C16orf74: variants seen among roughly 807,000 people sequenced by gnomAD.
C16orf74 encodes the protein calcimembrin, also known as uncharacterized protein C16orf74.
A neutral mutation model predicts 6.5 loss-of-function variants in C16orf74; 10 were observed. The observed-to-expected ratio is 1.54, with a 90% confidence interval of 0.95 to 2.61. The LOEUF is 2.61. Among genes scored for constraint, C16orf74 ranks in the 30% most tolerant of loss-of-function variants. The pLI, the probability that C16orf74 is intolerant of heterozygous loss-of-function variation, is 0.00. For synonymous variants in C16orf74, 60 were observed against 42.5 expected (o/e 1.41, Z -1.60); for missense variants, 141 against 105.9 (o/e 1.33, Z -1.45).
chr16:85,731,592 C>G (rs1038166311), intron 2 of C16orf74, among the ~76,000 whole-genome samples: 2 of 152,098 alleles, frequency 1.3e-5, no homozygotes, highest in Non-Finnish European at 2.9e-5. Context: ...TGAGAGTAAT[C>G]GTATCCAGGG....
At chr16:85,741,239 C>T (rs190196560) in intron 1 of C16orf74, among the ~76,000 whole-genome samples, 1 of 152,264 alleles carries the variant, frequency 6.6e-6, no homozygotes, top group East Asian at 1.9e-4. Flanking sequence ...AGATGCGTTC[C>T]TGGGGCCAGG....
At chr16:85,744,564 C>T (rs1373824395) in intron 1 of C16orf74, among the ~76,000 whole-genome samples, 1 of 152,168 alleles carries the variant, frequency 6.6e-6, no homozygotes, top group Non-Finnish European at 1.5e-5. Flanking sequence ...GATGCGGTGG[C>T]TCATGCCTGA....
chr16:85,718,485 G>A (rs1435692876), intron 2 of C16orf74, among the ~76,000 whole-genome samples: 6 of 152,146 alleles, frequency 3.9e-5, no homozygotes, highest in Non-Finnish European at 7.3e-5. Context: ...CCAGCCTGTC[G>A]GACCCACGAT....
intron 2 of C16orf74, among the ~76,000 whole-genome samples, chr16:85,728,732 T>A (rs897678666): frequency 2.0e-5 from 3 of 152,208 alleles, no homozygotes; most frequent in Admixed American, 1.3e-4. Context: ...TCTCGAGACC[T>A]GACCCAGGAG....
intron 1 of C16orf74, among the ~76,000 whole-genome samples, chr16:85,750,517 T>A (rs4843679): frequency 6.6e-6 from 1 of 152,008 alleles, no homozygotes; most frequent in Non-Finnish European, 1.5e-5. Flanking sequence ...CTCGATAGAG[T>A]GGAAATGGTT....
Position 85,707,604 on chromosome 16 carries a change from A to T in C16orf74, c.*404T>A. 1 of 189,516 alleles carries T rather than the reference A, an allele frequency of 5.3e-6. No individual in the cohort carries two copies. Among genetic ancestry groups the T allele is most frequent in the Middle Eastern group, 1.9e-3 (1 of 518 alleles). The allele number at this position is 189,516 out of a possible 1,614,324, so 11.7% of individuals were successfully genotyped here. On this transcript the variant is annotated 3_prime_UTR_variant, in exon 4 of 4. Transcript: ENST00000284245. ...TTTCCGTATCTGTAAAACAACTTAT[A>T]AAAAACAGCCACTCCACCTGCAAGA...
rs193274597 is a variant in C16orf74 at position 85,732,364 on chromosome 16, A to T, written c.28+2826T>A. On this transcript the variant is annotated intron_variant, in intron 2 of 3. Coordinates refer to ENST00000284245, the MANE Select transcript of C16orf74 (RefSeq NM_206967.3). ...GAGTTCCTGGCTACTTCAAATATGGAGTTAAAATGATTCTCTCTGGGCCAG... is the reference window on the plus strand; with the variant it reads ...GAGTTCCTGGCTACTTCAAATATGGTGTTAAAATGATTCTCTCTGGGCCAG... Among the ~76,000 whole-genome samples, 52 of 152,262 alleles carry T rather than the reference A, an allele frequency of 3.4e-4. 1 individual carries two copies. In the East Asian group the frequency reaches 7.9e-3, roughly 23 times the overall value.
chr16:85,718,530 G>C (rs986097952), intron 2 of C16orf74, among the ~76,000 whole-genome samples: 1 of 152,190 alleles, frequency 6.6e-6, no homozygotes, highest in Non-Finnish European at 1.5e-5. Context: ...CTGGGCTACG[G>C]TCCACCTGGG....
chr16:85,710,150 G>T lies in C16orf74; in HGVS notation c.172+14C>A. The T allele has an allele frequency of 7.1e-7, 1 of 1,412,718 alleles. No homozygotes were observed. 87.5% of individuals were successfully genotyped at this position (1,412,718 alleles called of 1,614,324 possible). On this transcript the variant is annotated intron_variant, in intron 3 of 3. Coordinates refer to ENST00000284245, the MANE Select transcript of C16orf74 (RefSeq NM_206967.3). ...ACAGCCGACCCGGCTTGGCGGTGGA[G>T]GGGACGGCCTCACCTGTGCTCCCCA...
intron 3 of C16orf74, among the ~76,000 whole-genome samples, chr16:85,709,752 G>A (rs2053948975): frequency 6.6e-6 from 1 of 152,196 alleles, no homozygotes; most frequent in African/African-American, 2.4e-5. Flanking sequence ...CCAGGGTCCG[G>A]CCCCAGCCTG....
At chr16:85,718,178 T>G (rs958887612) in intron 2 of C16orf74, among the ~76,000 whole-genome samples, 9 of 152,288 alleles carry the variant, frequency 5.9e-5, no homozygotes, top group Non-Finnish European at 1.2e-4. Context: ...CAAGCGATTC[T>G]CCCATCTTGG....
chr16:85,714,438 G>C (rs2054001049), intron 2 of C16orf74, among the ~76,000 whole-genome samples: 1 of 149,532 alleles, frequency 6.7e-6, no homozygotes, highest in African/African-American at 2.5e-5. Flanking sequence ...ATTTATTTTT[G>C]AGACGGAGTC....
At chr16:85,736,469 A>G (rs914853122) in intron 1 of C16orf74, among the ~76,000 whole-genome samples, 3 of 152,082 alleles carry the variant, frequency 2.0e-5, no homozygotes, top group African/African-American at 7.2e-5. Context: ...TGAAGATGGC[A>G]GGCCAGGAAG....
intron 2 of C16orf74, among the ~76,000 whole-genome samples, chr16:85,722,909 T>G (rs1044042465): frequency 3.3e-5 from 5 of 152,100 alleles, no homozygotes; most frequent in African/African-American, 1.2e-4. Context: ...GCCCCTGGTG[T>G]TATCCCGCCC....
At chr16:85,725,967 C>T (rs1374945517) in intron 2 of C16orf74, among the ~76,000 whole-genome samples, 2 of 152,168 alleles carry the variant, frequency 1.3e-5, no homozygotes, top group African/African-American at 2.4e-5. Flanking sequence ...TCAGCTCCTC[C>T]AGCTCAGCCC....
intron 1 of C16orf74, among the ~76,000 whole-genome samples, chr16:85,740,415 A>G (rs1465458213): frequency 1.3e-5 from 2 of 149,742 alleles, no homozygotes; most frequent in Non-Finnish European, 3.0e-5. Context: ...AAAATTATCC[A>G]GGTGTGGCCG....
intron 1 of C16orf74, among the ~76,000 whole-genome samples, chr16:85,745,435 G>C (rs1394224283): frequency 6.6e-6 from 1 of 152,224 alleles, no homozygotes; most frequent in Non-Finnish European, 1.5e-5. Context: ...CAGACTGCTT[G>C]TCAGCTTGCC....
intron 2 of C16orf74, 31 bp from the exon 3 acceptor site, chr16:85,710,338 C>T (rs761137086): frequency 2.1e-5 from 30 of 1,459,522 alleles, no homozygotes; most frequent in Non-Finnish European, 2.5e-5. Context: ...CACACACGCA[C>T]GTACACACGA....
At chr16:85,709,797 G>A (rs1285659131) in intron 3 of C16orf74, among the ~76,000 whole-genome samples, 1 of 152,186 alleles carries the variant, frequency 6.6e-6, no homozygotes, top group Non-Finnish European at 1.5e-5. Flanking sequence ...GTCCTGTCCG[G>A]CCAAACTGCA....
Sources: allele counts gnomAD v4.1 joint callset (sites outside exome capture counted in the v4.1 genomes callset), GRCh38; gene constraint gnomAD v4.1.1; transcripts MANE v1.5; gene names NCBI Gene and HGNC (gene_info 2026-07-23, HGNC 2026-07-21).